The following SLC44A5 variants were observed in gnomAD, a reference collection of about 807,000 sequenced individuals.
The protein encoded by SLC44A5 is solute carrier family 44 member 5, also known as choline transporter-like protein 5.
Under a neutral mutation model 101.8 loss-of-function variants are expected in SLC44A5, and 57 were observed. That is an observed-to-expected ratio of 0.56 (90% CI 0.45 to 0.70). The LOEUF is 0.70. SLC44A5 is among the 30% of genes least tolerant of loss of function. SLC44A5 has a pLI of 0.00. For missense variants in SLC44A5, 737 were observed against 853.1 expected (o/e 0.86, Z 1.70); for synonymous variants, 281 against 290.9 (o/e 0.97, Z 0.35).
intron 1 of SLC44A5, among the ~76,000 whole-genome samples, chr1:75,557,708 C>A (rs1191708594): frequency 6.6e-6 from 1 of 152,120 alleles, no homozygotes; most frequent in Non-Finnish European, 1.5e-5. Flanking sequence ...TAAGCCTATA[C>A]ACATTTACAC....
the SLC44A5 span, among the ~76,000 whole-genome samples, chr1:75,697,426 A>G: frequency 1.2e-4 from 18 of 152,324 alleles, no homozygotes; most frequent in African/African-American, 4.3e-4. Flanking sequence ...ATCAGAAGGT[A>G]TAAGAATCAA....
intron 2 of SLC44A5, among the ~76,000 whole-genome samples, chr1:75,474,038 A>C (rs1667253696): frequency 6.6e-6 from 1 of 152,196 alleles, no homozygotes; most frequent in Non-Finnish European, 1.5e-5. Context: ...TTTCTTCAAA[A>C]ATATATGTTA....
intron 5 of SLC44A5, among the ~76,000 whole-genome samples, chr1:75,290,952 T>C (rs1321266232): frequency 2.0e-5 from 3 of 152,168 alleles, no homozygotes; most frequent in African/African-American, 7.2e-5. Flanking sequence ...TCAAGGTCTA[T>C]GAATTGGAAG....
intron 2 of SLC44A5, among the ~76,000 whole-genome samples, chr1:75,500,921 A>G (rs1668925041): frequency 6.6e-6 from 1 of 152,156 alleles, no homozygotes; most frequent in East Asian, 1.9e-4. Flanking sequence ...ATCATCTTGA[A>G]ACCTCTTTGT....
chr1:75,413,005 G>A (rs189475786), intron 2 of SLC44A5, among the ~76,000 whole-genome samples: 67 of 152,174 alleles, frequency 4.4e-4, no homozygotes, highest in Non-Finnish European at 3.2e-4. Flanking sequence ...TTATGTAATC[G>A]TATAGCCATT....
chr1:75,276,162 A>T (rs529867642), intron 5 of SLC44A5, among the ~76,000 whole-genome samples: 2 of 152,302 alleles, frequency 1.3e-5, no homozygotes, highest in South Asian at 4.1e-4. Flanking sequence ...CCAATGTCAT[A>T]GAGGCCAAAT....
rs78298427 is a variant in SLC44A5 at position 75,337,791 on chromosome 1, C to T, written c.101+1791G>A. 7.7e-3 allele frequency among the ~76,000 whole-genome samples: 1,174 copies of T among 152,246 alleles called. 13 individuals carry two copies. The highest frequency in any genetic ancestry group is 0.027 in the African/African-American group (1,132 of 41,554). ...CAAATTCAGTTGGGTGGTGACTAGG[C>T]ACAAAATGCTGCCCTTGTGAACTGA... On this transcript the variant is annotated intron_variant, in intron 4 of 23. Coordinates refer to ENST00000370859, the MANE Select transcript of SLC44A5 (RefSeq NM_001130058.2).
chr1:75,636,659 T>A, the SLC44A5 span, among the ~76,000 whole-genome samples: 1 of 152,090 alleles, frequency 6.6e-6, no homozygotes. Flanking sequence ...GCTTTGCCAA[T>A]AAGGAATTTT....
chr1:75,252,302 A>G (rs1420814016), intron 6 of SLC44A5, among the ~76,000 whole-genome samples: 1 of 152,228 alleles, frequency 6.6e-6, no homozygotes, highest in Non-Finnish European at 1.5e-5. Context: ...CATGCATAGC[A>G]CAAAATGTAA....
At chr1:75,411,008 T>A (rs1271600475) in intron 2 of SLC44A5, among the ~76,000 whole-genome samples, 1 of 151,972 alleles carries the variant, frequency 6.6e-6, no homozygotes, top group East Asian at 1.9e-4. Context: ...TAGTAAGACA[T>A]GGGGAAAAAT....
chr1:75,417,107 C>G (rs142997226), intron 2 of SLC44A5, among the ~76,000 whole-genome samples: 284 of 152,218 alleles, frequency 1.9e-3, no homozygotes, highest in African/African-American at 6.2e-3. Flanking sequence ...GGCTCTGTGT[C>G]CCCACTCTAA....
At chr1:75,472,083 T>TA (rs11284319) in intron 2 of SLC44A5, among the ~76,000 whole-genome samples, 10,058 of 141,258 alleles carry the variant, frequency 0.071, 458 homozygotes, top group Middle Eastern at 0.1. Context: ...CCCCTGGGTT[T>TA]AAAAAAAAAA....
intron 3 of SLC44A5, among the ~76,000 whole-genome samples, chr1:75,373,744 C>A (rs891726274): frequency 2.6e-5 from 4 of 152,142 alleles, no homozygotes; most frequent in African/African-American, 9.7e-5. Context: ...ACAGCACAGC[C>A]TCTACTGCCC....
chr1:75,223,289 T>C (rs1381715749), intron 13 of SLC44A5, among the ~76,000 whole-genome samples: 5 of 152,192 alleles, frequency 3.3e-5, no homozygotes, highest in African/African-American at 1.2e-4. Context: ...TTACAGTAAA[T>C]ACCATCTGCT....
chr1:75,659,482 A>AAGGG, the SLC44A5 span, among the ~76,000 whole-genome samples: 1 of 76,254 alleles, frequency 1.3e-5, no homozygotes, highest in Non-Finnish European at 2.9e-5. Context: ...GGAAGGAAGG[A>AAGGG]AGGAAGGAAG....
At chr1:75,679,718 A>C in the SLC44A5 span, among the ~76,000 whole-genome samples, 1 of 152,034 alleles carries the variant, frequency 6.6e-6, no homozygotes, top group Non-Finnish European at 1.5e-5. Context: ...CAAGCAAAAT[A>C]ACCAGCTAAC....
At chr1:75,595,105 A>C (rs1457793335) in intron 1 of SLC44A5, among the ~76,000 whole-genome samples, 2 of 152,036 alleles carry the variant, frequency 1.3e-5, no homozygotes, top group Non-Finnish European at 2.9e-5. Flanking sequence ...AAAGAAAGGG[A>C]GGTAGGGAGG....
chr1:75,597,610 A>G (rs1674717895), intron 1 of SLC44A5, among the ~76,000 whole-genome samples: 1 of 152,188 alleles, frequency 6.6e-6, no homozygotes, highest in South Asian at 2.1e-4. Flanking sequence ...ACATAGACCA[A>G]TGGAACAGAA....
At chr1:75,694,392 G>A in the SLC44A5 span, among the ~76,000 whole-genome samples, 1 of 151,952 alleles carries the variant, frequency 6.6e-6, no homozygotes, top group South Asian at 2.1e-4. Flanking sequence ...ACTTGTGGAA[G>A]GGAGCCATTG....
Sources: allele counts gnomAD v4.1 joint callset (sites outside exome capture counted in the v4.1 genomes callset), GRCh38; gene constraint gnomAD v4.1.1; transcripts MANE v1.5; gene names NCBI Gene and HGNC (gene_info 2026-07-23, HGNC 2026-07-21).